LINGO2: variants seen among roughly 807,000 people sequenced by gnomAD.
The protein encoded by LINGO2 is leucine-rich repeat and immunoglobulin-like domain-containing nogo receptor-interacting protein 2.
Under a neutral mutation model 30.6 loss-of-function variants are expected in LINGO2, and 14 were observed. The ratio of observed to expected loss-of-function variants is 0.46; its 90% confidence interval spans 0.30 to 0.72. The LOEUF is 0.72. Ranked by LOEUF, LINGO2 falls within the 30% of genes least tolerant of loss-of-function variation. LINGO2 has a pLI of 0.07. For synonymous variants in LINGO2, 317 were observed against 288.5 expected (o/e 1.10, Z -1.00); for missense variants, 729 against 751.7 (o/e 0.97, Z 0.35).
At chr9:28,703,434 T>A in the LINGO2 span, among the ~76,000 whole-genome samples, 6 of 151,900 alleles carry the variant, frequency 3.9e-5, no homozygotes, top group Non-Finnish European at 8.8e-5. Context: ...TATCTCCCTT[T>A]ATGTATTTCT....
intron 4 of LINGO2, among the ~76,000 whole-genome samples, chr9:28,157,495 G>A (rs10968356): frequency 0.44 from 67,503 of 152,050 alleles, 16,267 homozygotes; most frequent in East Asian, 0.63. Flanking sequence ...GGCCTCTGAC[G>A]TGCCCTGGAG....
At chr9:28,614,167 C>T (rs145874443) in intron 1 of LINGO2, among the ~76,000 whole-genome samples, 400 of 152,140 alleles carry the variant, frequency 2.6e-3, no homozygotes, top group African/African-American at 9.3e-3. Context: ...TTGGTAGTTA[C>T]TATATTCTTT....
intron 4 of LINGO2, among the ~76,000 whole-genome samples, chr9:28,052,395 G>T (rs1182082941): frequency 1.3e-5 from 2 of 152,058 alleles, no homozygotes; most frequent in African/African-American, 4.8e-5. Context: ...ACACCTTGTG[G>T]TTAGTAGCCA....
intron 4 of LINGO2, among the ~76,000 whole-genome samples, chr9:28,232,680 T>C (rs1445649424): frequency 6.6e-6 from 1 of 151,976 alleles, no homozygotes; most frequent in Non-Finnish European, 1.5e-5. Flanking sequence ...TTAACTGCAG[T>C]CATTATTCTG....
chr9:28,999,158 G>C, the LINGO2 span, among the ~76,000 whole-genome samples: 1 of 152,050 alleles, frequency 6.6e-6, no homozygotes, highest in Non-Finnish European at 1.5e-5. Flanking sequence ...ATGATATACA[G>C]TGTTGTCAGT....
the LINGO2 span, among the ~76,000 whole-genome samples, chr9:29,077,502 T>C: frequency 1.9e-3 from 287 of 152,182 alleles, 2 homozygotes; most frequent in Non-Finnish European, 4.1e-4. Flanking sequence ...CTATAGCTAC[T>C]TTATTAAACA....
chr9:27,992,896 G>C (rs1821470292), intron 5 of LINGO2, among the ~76,000 whole-genome samples: 1 of 152,098 alleles, frequency 6.6e-6, no homozygotes, highest in Admixed American at 6.6e-5. Flanking sequence ...TCTATACATA[G>C]ACACATGAAA....
At chr9:29,073,055 C>G in the LINGO2 span, among the ~76,000 whole-genome samples, 1 of 151,424 alleles carries the variant, frequency 6.6e-6, no homozygotes, top group East Asian at 2.0e-4. Flanking sequence ...CCAACCCCAT[C>G]CTTGTGAATA....
the LINGO2 span, among the ~76,000 whole-genome samples, chr9:29,075,606 C>G: frequency 3.3e-5 from 5 of 152,010 alleles, no homozygotes; most frequent in South Asian, 1.0e-3. Context: ...AATAAATACT[C>G]ATCTCATTGG....
chr9:28,704,638 A>G, the LINGO2 span, among the ~76,000 whole-genome samples: 3 of 151,494 alleles, frequency 2.0e-5, no homozygotes, highest in East Asian at 5.8e-4. Context: ...GGAAGTTTCT[A>G]TTGGCACATC....
rs758610565 is a variant in LINGO2 at position 28,022,477 on chromosome 9, T to A, written c.-86-10072A>T. 6.6e-5 allele frequency among the ~76,000 whole-genome samples: 10 copies of A among 152,248 alleles called. 1 individual carries two copies. In the Middle Eastern group the frequency reaches 0.01, roughly 155 times the overall value. ...TTTCCCTGAAGGATTTATTTTAACA[T>A]CTGCAGAGTGGTCTTCTGGTCATGA... On this transcript the variant is annotated intron_variant, in intron 4 of 5. Coordinates refer to ENST00000379992, the Ensembl canonical transcript of LINGO2.
chr9:28,555,039 A>G (rs1332944990), intron 1 of LINGO2, among the ~76,000 whole-genome samples: 1 of 139,624 alleles, frequency 7.2e-6, no homozygotes, highest in Non-Finnish European at 1.5e-5. Flanking sequence ...CCACAAGAGA[A>G]AGCAGGAAGG....
intron 1 of LINGO2, among the ~76,000 whole-genome samples, chr9:28,480,973 A>T (rs546003432): frequency 6.6e-6 from 1 of 152,182 alleles, no homozygotes; most frequent in Admixed American, 6.6e-5. Context: ...TTCATACATC[A>T]ATTTTGTTCC....
At chr9:28,354,413 C>T (rs1820073428) in intron 3 of LINGO2, among the ~76,000 whole-genome samples, 1 of 152,130 alleles carries the variant, frequency 6.6e-6, no homozygotes, top group South Asian at 2.1e-4. Flanking sequence ...CTACCAATGG[C>T]TCCCAAATTA....
chr9:28,065,471 G>T (rs1563954701), intron 4 of LINGO2, among the ~76,000 whole-genome samples: 1 of 151,936 alleles, frequency 6.6e-6, no homozygotes, highest in Non-Finnish European at 1.5e-5. Context: ...AGTAAAAACG[G>T]GCAGTGATTT....
chr9:28,908,672 A>G, the LINGO2 span, among the ~76,000 whole-genome samples: 3 of 151,946 alleles, frequency 2.0e-5, no homozygotes, highest in Admixed American at 6.6e-5. Context: ...AAAAATGGCC[A>G]GTTAATATTC....
intron 1 of LINGO2, among the ~76,000 whole-genome samples, chr9:28,657,016 T>C (rs534026796): frequency 6.6e-6 from 1 of 152,212 alleles, no homozygotes; most frequent in Admixed American, 6.5e-5. Flanking sequence ...AAATGAATCA[T>C]AAGCCCAGGC....
At chr9:28,473,877 A>G (rs1025101730) in intron 2 of LINGO2, among the ~76,000 whole-genome samples, 2 of 152,110 alleles carry the variant, frequency 1.3e-5, no homozygotes, top group African/African-American at 4.8e-5. Flanking sequence ...AGCCATTTTA[A>G]GCTAAATCAA....
intron 1 of LINGO2, among the ~76,000 whole-genome samples, chr9:28,590,880 T>C (rs1248739983): frequency 1.3e-5 from 2 of 152,146 alleles, no homozygotes; most frequent in African/African-American, 4.8e-5. Context: ...GTGGCACTAT[T>C]CACAATAGCA....
Sources: gnomAD v4.1 joint callset for allele counts (sites outside exome capture counted in the v4.1 genomes callset) on GRCh38, gnomAD v4.1.1 for gene constraint, MANE v1.5 for transcripts, NCBI Gene and HGNC (gene_info 2026-07-23, HGNC 2026-07-21) for gene names.